EIF3L: variants seen among roughly 807,000 people sequenced by gnomAD.
The protein encoded by EIF3L is eIEF associated protein HSPC021.
Under a neutral mutation model 74.6 loss-of-function variants are expected in EIF3L, and 32 were observed. That is an observed-to-expected ratio of 0.43 (90% confidence interval 0.32 to 0.58). The LOEUF (loss-of-function observed/expected upper bound fraction) is 0.58. EIF3L is among the 20% of genes least tolerant of loss of function. The probability of loss-of-function intolerance (pLI) is 0.06; values close to 1 mark genes in which losing one functional copy is unlikely to be tolerated. For synonymous variants in EIF3L, 256 were observed against 254.4 expected, an observed-to-expected ratio of 1.01 and a Z score of -0.06; for missense variants, 474 against 707.8, an observed-to-expected ratio of 0.67 and a Z score of 3.75.
intron 10 of EIF3L, 180 bp downstream of exon 10, chr22:37,876,191 G>A (rs886406695): frequency 5.0e-6 from 3 of 604,976 alleles, no homozygotes; most frequent in Non-Finnish European, 2.8e-6. Context: ...GTGCAGTGAC[G>A]CAGTCACAGC....
At position 37,878,126 on chromosome 22, in the gene EIF3L, T is replaced by G. The variant is rs1926851092; in HGVS notation, c.1530T>G (p.Asp510Glu). ...GGACCAGCGGTATCTCAGCCCTGGA[T>G]GGTGAATTTCAGTCAGCCTCAGAGG... ...LVWTSGISAL[D>E]GEFQSASEVD... The change falls in exon 11 of 13, where the codon GAT (aspartate) becomes GAG (glutamate). Residue 510 changes from aspartate to glutamate, a missense_variant. Physicochemically the swap from Asp to Glu is conservative, Grantham distance 45. Transcript: ENST00000652021. The G allele has an allele frequency of 6.2e-7, 1 of 1,613,736 alleles. No individual in the cohort carries two copies. Among genetic ancestry groups the G allele is most frequent in the East Asian group, 2.2e-5 (1 of 44,860 alleles).
In EIF3L at chr22:37,877,985, C is replaced by T; in HGVS notation, c.1389C>T (p.Phe463=). The part of the protein sequence containing the change: ...QQAQLSTIRS[F]LKLYTTMPVA... ...CCCAGCTTTCAACCATCCGCAGCTT[C>T]CTGAAGCTCTACACCACCATGCCTG... Residue 463 remains phenylalanine (F), a synonymous_variant, in exon 11 of 13, where the codon TTC becomes TTT. Transcript: ENST00000652021. 10 of 1,613,124 alleles carry T rather than the reference C, an allele frequency of 6.2e-6. No homozygotes were observed. Among genetic ancestry groups the T allele is most frequent in the Non-Finnish European group, 7.6e-6 (9 of 1,179,898 alleles).
chr22:37,850,101 G>T, intron 2 of EIF3L, 38 bp downstream of exon 2: 1 of 1,610,594 alleles, frequency 6.2e-7, no homozygotes, highest in Non-Finnish European at 8.5e-7. Context: ...TACTCGTAGG[G>T]ATCAGTTCCT....
At chr22:37,881,183 A>G (rs189872140) in intron 11 of EIF3L, 4 of 152,282 alleles carry the variant, frequency 2.6e-5, no homozygotes, top group Admixed American at 1.3e-4. Flanking sequence ...GTTAGTTTTC[A>G]CTGGCACTTT....
intron 3 of EIF3L, 25 bp downstream of exon 3, chr22:37,851,515 C>T (rs1422530769): frequency 6.4e-7 from 1 of 1,563,874 alleles, no homozygotes; most frequent in African/African-American, 1.4e-5. Flanking sequence ...CTGAAAGGGC[C>T]TCTTTCTGGG....
intron 12 of EIF3L, 29 bp from the exon 13 acceptor site, chr22:37,888,397 A>G (rs762481998): frequency 1.2e-6 from 2 of 1,613,428 alleles, no homozygotes; most frequent in South Asian, 2.2e-5. Context: ...AAATCCCCGT[A>G]TGTAACTTTG....
chr22:37,859,230 A>G (rs958511753), intron 5 of EIF3L, among the ~76,000 whole-genome samples: 1 of 151,838 alleles, frequency 6.6e-6, no homozygotes, highest in Non-Finnish European at 1.5e-5. Flanking sequence ...ACCTTTTCTC[A>G]AATTTATCCA....
intron 10 of EIF3L, chr22:37,877,212 T>A (rs1206505033): frequency 6.1e-6 from 1 of 164,740 alleles, no homozygotes; most frequent in African/African-American, 2.4e-5. Context: ...CAAAGGTATT[T>A]GTGTATCTAA....
intron 4 of EIF3L, among the ~76,000 whole-genome samples, chr22:37,857,674 A>G (rs938756077): frequency 2.6e-5 from 4 of 151,502 alleles, no homozygotes; most frequent in African/African-American, 9.7e-5. Context: ...CCTCCCGAGT[A>G]GCTGGGATTA....
chr22:37,870,110 A>G, intron 7 of EIF3L, 66 bp from the exon 8 acceptor site: 3 of 1,429,602 alleles, frequency 2.1e-6, no homozygotes, highest in Non-Finnish European at 1.9e-6. Flanking sequence ...CGTTTTCAGC[A>G]TTGTGGACAT....
At position 37,850,258 on chromosome 22, in the gene EIF3L, A is replaced by G. The variant is rs559013544; in HGVS notation, c.82+195A>G. On this transcript the variant is annotated intron_variant, in intron 2 of 12. Transcript: ENST00000652021. ...TTATCATAGTCCACCTCAGTCTTGG[A>G]AGAGAAGGATTACTTACCTGGCTAT... is the stretch of plus-strand genomic sequence containing the variant. Among the ~76,000 whole-genome samples, 9 of 152,270 alleles carry G rather than the reference A, an allele frequency of 5.9e-5. No individual in the cohort carries two copies. The South Asian group carries it at 8.3e-4, about 14-fold the overall frequency.
intron 4 of EIF3L, among the ~76,000 whole-genome samples, chr22:37,857,568 G>A (rs1454225887): frequency 2.0e-5 from 3 of 150,926 alleles, no homozygotes; most frequent in East Asian, 2.0e-4. Context: ...ATGGAGTCAC[G>A]GAGTCTTGCT....
intron 8 of EIF3L, among the ~76,000 whole-genome samples, chr22:37,871,962 A>G (rs1223536547): frequency 3.3e-5 from 5 of 151,952 alleles, no homozygotes; most frequent in South Asian, 2.1e-4. Flanking sequence ...ACAAGCATTT[A>G]TAGAAGTATA....
chr22:37,871,691 A>C (rs564359655), intron 8 of EIF3L, among the ~76,000 whole-genome samples: 118 of 152,106 alleles, frequency 7.8e-4, no homozygotes, highest in African/African-American at 2.8e-3. Context: ...AACATGGTGA[A>C]ACCTCATCTC....
At chr22:37,876,140 G>A in intron 10 of EIF3L, 129 bp downstream of exon 10, 1 of 983,612 alleles carries the variant, frequency 1.0e-6, no homozygotes, top group Non-Finnish European at 1.5e-6. Context: ...AGACTGTAGA[G>A]CGCTCTGTGA....
At chr22:37,863,073 G>A in intron 6 of EIF3L, 35 bp downstream of exon 6, 1 of 1,556,068 alleles carries the variant, frequency 6.4e-7, no homozygotes, top group Non-Finnish European at 8.8e-7. Flanking sequence ...GGTGTGTGTG[G>A]TTATGATGAG....
chr22:37,856,228 C>T (rs1925497201), intron 4 of EIF3L, among the ~76,000 whole-genome samples: 1 of 152,000 alleles, frequency 6.6e-6, no homozygotes, highest in Non-Finnish European at 1.5e-5. Context: ...AGGCGCCCGC[C>T]ACCACGCCCA....
rs558413614 is a variant in EIF3L, at chr22:37,850,524, A to C, written c.82+461A>C. Reference sequence around the variant, plus strand: ...GCTAATTTTTAAATTTTTTTAATAGAGACGAGGTTTCGCCGTGTTGTCCAG... The same window carrying C: ...GCTAATTTTTAAATTTTTTTAATAGCGACGAGGTTTCGCCGTGTTGTCCAG... On this transcript the variant is annotated intron_variant, in intron 2 of 12. Coordinates refer to ENST00000652021, the MANE Select transcript of EIF3L (RefSeq NM_016091.4). 2.9e-3 allele frequency: 651 copies of C among 228,088 alleles called. 6 individuals carry two copies. Among genetic ancestry groups the C allele is most frequent in the Admixed American group, 6.1e-3 (120 of 19,578 alleles). The allele number at this position is 228,088 out of a possible 1,614,324, so 14.1% of individuals were successfully genotyped here.
In EIF3L at chr22:37,857,725, T is replaced by C. The variant is rs534339262; in HGVS notation, c.374-954T>C. 2.0e-5 allele frequency among the ~76,000 whole-genome samples: 3 copies of C among 151,856 alleles called. No homozygotes were observed. The South Asian group carries it at 6.2e-4, about 32-fold the overall frequency. On this transcript the variant is annotated intron_variant, in intron 4 of 12. Transcript: ENST00000652021. Reference sequence around the variant, plus strand: ...TTTTTTGTATTTTTAGTAGAGATGGTGTTTCACCATCTTGGCCAGGCTGAT... The same window carrying C: ...TTTTTTGTATTTTTAGTAGAGATGGCGTTTCACCATCTTGGCCAGGCTGAT...
Sources: allele counts gnomAD v4.1 joint callset (sites outside exome capture counted in the v4.1 genomes callset), GRCh38; gene constraint gnomAD v4.1.1; transcripts MANE v1.5; gene names NCBI Gene and HGNC (gene_info 2026-07-23, HGNC 2026-07-21).